Variants in CHCHD3 observed in about 807,000 individuals in gnomAD.
CHCHD3 encodes MICOS complex subunit MIC19.
In CHCHD3, 20 loss-of-function variants were observed where a neutral mutation model predicts 38.2. The ratio of observed to expected loss-of-function variants is 0.52; its 90% CI spans 0.37 to 0.76. The LOEUF (loss-of-function observed/expected upper bound fraction) is 0.76. Ranked by LOEUF, CHCHD3 falls within the 30% of genes least tolerant of loss-of-function variation. CHCHD3 has a pLI of 0.00. For synonymous variants in CHCHD3, 82 were observed against 100.0 expected (o/e 0.82, Z 1.07); for missense variants, 245 against 279.2 (o/e 0.88, Z 0.87).
rs550727832 is a variant in CHCHD3 at position 132,847,097 on chromosome 7, T to C, written c.454-8628A>G. Among the ~76,000 whole-genome samples the C allele has an allele frequency of 1.2e-4, 19 of 152,336 alleles. No individual in the cohort carries two copies. The East Asian group carries it at 2.9e-3, about 23-fold the overall frequency. Reference sequence around the variant, plus strand: ...CCCGAGCAGTTGACTTCTGTCTTCATGGTTCAAGGTAGCTACTGCACCTGC... The same window carrying C: ...CCCGAGCAGTTGACTTCTGTCTTCACGGTTCAAGGTAGCTACTGCACCTGC... On this transcript the variant is annotated intron_variant, in intron 5 of 7. Coordinates refer to ENST00000262570, the MANE Select transcript of CHCHD3 (RefSeq NM_017812.4).
intron 2 of CHCHD3, among the ~76,000 whole-genome samples, chr7:133,063,922 A>AC (rs969441529): frequency 1.3e-5 from 2 of 151,152 alleles, no homozygotes; most frequent in African/African-American, 4.9e-5. Context: ...TTCTACTCTA[A>AC]CCCCCCTCCC....
Position 133,036,300 on chromosome 7 carries a change from G to C in CHCHD3, c.170-11673C>G, listed in dbSNP as rs150731856. On this transcript the variant is annotated intron_variant, in intron 2 of 7. Transcript: ENST00000262570. The stretch of plus-strand genomic sequence containing the variant: ...TTATCTCAAGTTACACAGTTCATAG[G>C]GAATTTAACAGGAAGAAATTAATCT... Among the ~76,000 whole-genome samples, 458 of 151,922 alleles carry C rather than the reference G, an allele frequency of 3.0e-3. 1 individual carries two copies. The highest frequency in any genetic ancestry group is 0.01 in the African/African-American group (425 of 41,414).
At chr7:132,826,700 T>G (rs1432384068) in intron 6 of CHCHD3, among the ~76,000 whole-genome samples, 1 of 152,204 alleles carries the variant, frequency 6.6e-6, no homozygotes, top group Admixed American at 6.5e-5. Context: ...GACGCAAGCT[T>G]TTACAAGTTT....
intron 2 of CHCHD3, among the ~76,000 whole-genome samples, chr7:133,050,737 C>T (rs914779820): frequency 5.3e-5 from 8 of 152,030 alleles, no homozygotes; most frequent in Admixed American, 2.0e-4. Context: ...ATATGCCAGG[C>T]GCAGTGGCTC....
intron 1 of CHCHD3, among the ~76,000 whole-genome samples, chr7:133,075,500 T>C (rs773384589): frequency 6.6e-6 from 1 of 152,158 alleles, no homozygotes; most frequent in Non-Finnish European, 1.5e-5. Context: ...GGTAATAGTT[T>C]TGTTGTGTTA....
At chr7:133,073,164 ACTCCCGTCTT>A (rs1462703178) in intron 1 of CHCHD3, among the ~76,000 whole-genome samples, 4 of 151,514 alleles carry the variant, frequency 2.6e-5, no homozygotes, top group Non-Finnish European at 5.9e-5. Context: ...ACCTCTGGCC[ACTCCCGTCTT>A]CTGGAAAGCC....
chr7:132,985,502 T>TG (rs1206106616), intron 3 of CHCHD3, among the ~76,000 whole-genome samples: 23 of 49,866 alleles, frequency 4.6e-4, no homozygotes, highest in African/African-American at 2.0e-3. Context: ...AGGAGGGAGG[T>TG]GGGGGGGTCA....
intron 5 of CHCHD3, among the ~76,000 whole-genome samples, chr7:132,877,558 G>A (rs182137508): frequency 5.5e-4 from 84 of 152,244 alleles, no homozygotes; most frequent in African/African-American, 1.7e-3. Flanking sequence ...ACATCTAAGT[G>A]CATTTACTTA....
chr7:132,811,887 T>C (rs114560722), intron 6 of CHCHD3, among the ~76,000 whole-genome samples: 1,551 of 152,312 alleles, frequency 0.01, 27 homozygotes, highest in African/African-American at 0.035. Flanking sequence ...GCCATTCTCA[T>C]GGCTTTAAAT....
intron 4 of CHCHD3, among the ~76,000 whole-genome samples, chr7:132,922,627 T>C (rs1258157822): frequency 1.3e-5 from 2 of 152,122 alleles, no homozygotes; most frequent in African/African-American, 4.8e-5. Context: ...ATGTCCATTG[T>C]GGCTTTGAAA....
intron 5 of CHCHD3, among the ~76,000 whole-genome samples, chr7:132,866,722 A>G (rs1808635265): frequency 6.6e-6 from 1 of 152,230 alleles, no homozygotes; most frequent in Admixed American, 6.5e-5. Context: ...CATAGAACTG[A>G]TCTGCTAACA....
At chr7:132,831,077 A>G (rs1248677141) in intron 6 of CHCHD3, among the ~76,000 whole-genome samples, 7 of 152,206 alleles carry the variant, frequency 4.6e-5, no homozygotes, top group Non-Finnish European at 1.0e-4. Context: ...CCTTGCCTGA[A>G]GCCCTGTTCT....
intron 6 of CHCHD3, among the ~76,000 whole-genome samples, chr7:132,807,124 T>C (rs966385657): frequency 3.3e-5 from 5 of 152,150 alleles, no homozygotes; most frequent in African/African-American, 1.2e-4. Context: ...AAAAAAGCAG[T>C]ACATGAGAAG....
rs536519869 is a variant in CHCHD3, at chr7:133,062,668, T to G, written c.169+7474A>C. Reference sequence around the variant, plus strand: ...TTTTCTCTGCTGTCATTGAAATTACTAGGTCATAACTCCCGAGTTAACTTC... The same window carrying G: ...TTTTCTCTGCTGTCATTGAAATTACGAGGTCATAACTCCCGAGTTAACTTC... On this transcript the variant is annotated intron_variant, in intron 2 of 7. Coordinates refer to ENST00000262570, the MANE Select transcript of CHCHD3 (RefSeq NM_017812.4). Among the ~76,000 whole-genome samples the G allele has an allele frequency of 8.5e-5, 13 of 152,292 alleles. No individual in the cohort carries two copies. In the South Asian group the frequency reaches 2.7e-3, roughly 32 times the overall value.
At chr7:132,953,691 C>T (rs1421274525) in intron 4 of CHCHD3, among the ~76,000 whole-genome samples, 2 of 152,198 alleles carry the variant, frequency 1.3e-5, no homozygotes, top group African/African-American at 4.8e-5. Flanking sequence ...ATGTAAATCC[C>T]AGTATGGAAA....
intron 3 of CHCHD3, among the ~76,000 whole-genome samples, chr7:132,995,391 A>AATAT (rs1297982639): frequency 2.0e-5 from 3 of 152,194 alleles, no homozygotes; most frequent in Non-Finnish European, 4.4e-5. Flanking sequence ...AAGACCACTT[A>AATAT]ATATATAGTC....
At chr7:132,971,197 T>C (rs2117324963) in intron 4 of CHCHD3, among the ~76,000 whole-genome samples, 1 of 152,344 alleles carries the variant, frequency 6.6e-6, no homozygotes, top group Non-Finnish European at 1.5e-5. Flanking sequence ...CCTGTCCTTC[T>C]AGTCAGTCTT....
intron 5 of CHCHD3, among the ~76,000 whole-genome samples, chr7:132,843,413 A>C (rs1807993412): frequency 6.6e-6 from 1 of 152,228 alleles, no homozygotes; most frequent in African/African-American, 2.4e-5. Context: ...TGCGAGAATA[A>C]TATAGTATTT....
chr7:132,885,752 A>T lies in CHCHD3; in HGVS notation c.370-7T>A. On this transcript the variant is annotated splice_polypyrimidine_tract_variant and splice_region_variant and intron_variant, in intron 4 of 7. Coordinates refer to ENST00000262570, the MANE Select transcript of CHCHD3 (RefSeq NM_017812.4). ...TCTCTTCCAGCTGCCTAGCCTAAAA[A>T]AAGAAATGAGGAATATACTATATCA... 6.2e-7 allele frequency: 1 copy of T among 1,604,098 alleles called. No homozygotes were observed. Among genetic ancestry groups the T allele is most frequent in the Non-Finnish European group, 8.5e-7 (1 of 1,176,164 alleles).
Sources: allele counts gnomAD v4.1 joint callset (sites outside exome capture counted in the v4.1 genomes callset), GRCh38; gene constraint gnomAD v4.1.1; transcripts MANE v1.5; gene names NCBI Gene and HGNC (gene_info 2026-07-23, HGNC 2026-07-21).